The following GLDN variants were observed in gnomAD, a reference collection of about 807,000 sequenced individuals.
GLDN encodes gliomedin, also known as collomin.
GLDN carries 47 observed loss-of-function variants against 56.5 expected under a neutral mutation model. The ratio of observed to expected loss-of-function variants is 0.83; its 90% CI spans 0.66 to 1.06. GLDN has a LOEUF of 1.06. Among genes scored for constraint, GLDN ranks in the 50% least tolerant of loss-of-function variants. GLDN has a pLI of 0.00. For synonymous variants in GLDN, 332 were observed against 278.8 expected (o/e 1.19, Z -1.90); for missense variants, 782 against 714.3 (o/e 1.09, Z -1.08).
At chr15:51,391,779 C>T (rs1482032200) in intron 4 of GLDN, among the ~76,000 whole-genome samples, 1 of 152,194 alleles carries the variant, frequency 6.6e-6, no homozygotes, top group Non-Finnish European at 1.5e-5. Flanking sequence ...CATGGCACAG[C>T]CAGTGCTGAC....
chr15:51,345,906 A>G (rs2036969823), intron 1 of GLDN, among the ~76,000 whole-genome samples: 1 of 152,230 alleles, frequency 6.6e-6, no homozygotes. Context: ...AAATATTACT[A>G]AGAAATCAAT....
intron 4 of GLDN, among the ~76,000 whole-genome samples, chr15:51,392,325 GC>G (rs2038040241): frequency 6.6e-6 from 1 of 152,084 alleles, no homozygotes; most frequent in Non-Finnish European, 1.5e-5. Flanking sequence ...TCACATTACC[GC>G]CCGAGCTCCC....
downstream of GLDN, among the ~76,000 whole-genome samples, chr15:51,410,978 G>A (rs1433472421): frequency 6.6e-6 from 1 of 152,096 alleles, no homozygotes; most frequent in Non-Finnish European, 1.5e-5. Flanking sequence ...ACAAGGAATT[G>A]GTCTAATTGC....
At chr15:51,397,444 C>G in intron 5 of GLDN, 26 bp from the exon 6 acceptor site, 1 of 1,312,486 alleles carries the variant, frequency 7.6e-7, no homozygotes, top group Non-Finnish European at 9.9e-7. Context: ...GCCTCCTTCT[C>G]TCCCTTTCTC....
downstream of GLDN, among the ~76,000 whole-genome samples, chr15:51,411,035 G>A (rs981445118): frequency 6.6e-6 from 1 of 152,208 alleles, no homozygotes; most frequent in African/African-American, 2.4e-5. Context: ...CGGTAGAAAG[G>A]AAGGCATTAG....
chr15:51,388,562 T>G (rs1476567168), intron 4 of GLDN, among the ~76,000 whole-genome samples: 1 of 152,218 alleles, frequency 6.6e-6, no homozygotes, highest in Non-Finnish European at 1.5e-5. Context: ...GCCATGTCTG[T>G]CTTGCTTAGT....
intron 1 of GLDN, among the ~76,000 whole-genome samples, chr15:51,343,557 T>G (rs1442925449): frequency 6.6e-6 from 1 of 152,244 alleles, no homozygotes; most frequent in Non-Finnish European, 1.5e-5. Flanking sequence ...CACTCATCTC[T>G]GTGTCAAATT....
chr15:51,351,097 C>T (rs2037067750), intron 1 of GLDN: 2 of 273,342 alleles, frequency 7.3e-6, no homozygotes, highest in East Asian at 1.9e-4. Context: ...CAAAAGATGA[C>T]ACTTAAAATG....
intron 9 of GLDN, among the ~76,000 whole-genome samples, chr15:51,403,022 G>A (rs1471378573): frequency 6.6e-6 from 1 of 152,178 alleles, no homozygotes; most frequent in Non-Finnish European, 1.5e-5. Context: ...TAGGGCTATT[G>A]CCACACGGAG....
intron 1 of GLDN, among the ~76,000 whole-genome samples, chr15:51,350,788 T>C (rs569643360): frequency 1.1e-4 from 16 of 152,190 alleles, no homozygotes; most frequent in Non-Finnish European, 2.1e-4. Context: ...TAGGGACATA[T>C]ATAAGAAACA....
intron 1 of GLDN, among the ~76,000 whole-genome samples, chr15:51,348,265 C>G (rs1327277700): frequency 1.3e-5 from 2 of 152,128 alleles, no homozygotes; most frequent in Non-Finnish European, 2.9e-5. Flanking sequence ...ACCGGAGCCT[C>G]CTGCTTCCTG....
At chr15:51,389,503 C>A (rs2037970506) in intron 4 of GLDN, among the ~76,000 whole-genome samples, 1 of 152,112 alleles carries the variant, frequency 6.6e-6, no homozygotes, top group African/African-American at 2.4e-5. Context: ...GAAGAAAAAG[C>A]CAAACTTCCC....
chr15:51,390,119 T>C (rs2037985729), intron 4 of GLDN, among the ~76,000 whole-genome samples: 1 of 152,238 alleles, frequency 6.6e-6, no homozygotes, highest in Admixed American at 6.5e-5. Context: ...GGGCAAGTTA[T>C]CACTTTGTGC....
downstream of GLDN, among the ~76,000 whole-genome samples, chr15:51,412,500 T>C (rs1169549935): frequency 6.6e-6 from 1 of 152,224 alleles, no homozygotes; most frequent in Non-Finnish European, 1.5e-5. Flanking sequence ...TTTTCACCCT[T>C]GCCATCTCTC....
chr15:51,355,937 G>A (rs1238376644), intron 1 of GLDN, among the ~76,000 whole-genome samples: 3 of 150,412 alleles, frequency 2.0e-5, no homozygotes, highest in South Asian at 2.1e-4. Flanking sequence ...GCCGGGTGTG[G>A]TGGCTCACGC....
rs756423942 is a variant in GLDN, at chr15:51,404,382, T to C, written c.1284T>C (p.Ala428=). The C allele has an allele frequency of 6.2e-6, 10 of 1,614,062 alleles. No homozygotes were observed. Among genetic ancestry groups the C allele is most frequent in the Non-Finnish European group, 8.5e-6 (10 of 1,180,030 alleles). ...FANSKTYFNL[A]VDEKGLWIIY... ...ATTCCAAAACTTACTTCAATCTAGC[T>C]GTAGATGAAAAGGGCCTTTGGATTA... The change falls in exon 10 of 10, where the codon GCT becomes GCC. Residue 428 remains alanine, a synonymous_variant. Transcript: ENST00000335449.
chr15:51,356,663 G>A (rs908095623), intron 1 of GLDN, among the ~76,000 whole-genome samples: 6 of 152,088 alleles, frequency 3.9e-5, no homozygotes, highest in African/African-American at 1.4e-4. Flanking sequence ...CCCATCAGCC[G>A]TGTGACCTTC....
In GLDN at chr15:51,404,574, C is replaced by A; in HGVS notation, c.1476C>A (p.Val492=). The A allele has an allele frequency of 2.5e-6, 4 of 1,614,158 alleles. No individual in the cohort carries two copies. Among genetic ancestry groups the A allele is most frequent in the Non-Finnish European group, 3.4e-6 (4 of 1,180,038 alleles). ...TCACAGACACCAAAGATATGAGGGT[C>A]ACATTTGCCTTTGATTTGTTAGGAG... ...LYVTDTKDMR[V]TFAFDLLGGK... The change falls in exon 10 of 10, where the codon GTC becomes GTA. Residue 492 remains valine (V), a synonymous_variant. Coordinates refer to ENST00000335449, the MANE Select transcript of GLDN (RefSeq NM_181789.4).
chr15:51,402,958 T>C (rs1292191597), intron 9 of GLDN, among the ~76,000 whole-genome samples: 1 of 152,142 alleles, frequency 6.6e-6, no homozygotes, highest in African/African-American at 2.4e-5. Flanking sequence ...CAAGACACAC[T>C]CTTTCCTCCG....
Sources: gnomAD v4.1 joint callset for allele counts (sites outside exome capture counted in the v4.1 genomes callset) on GRCh38, gnomAD v4.1.1 for gene constraint, MANE v1.5 for transcripts, NCBI Gene and HGNC (gene_info 2026-07-23, HGNC 2026-07-21) for gene names.